AKAP11: variants seen among roughly 807,000 people sequenced by gnomAD.
The protein encoded by AKAP11 is A-kinase anchor protein 11.
AKAP11 carries 36 observed loss-of-function variants against 146.1 expected under a neutral mutation model. The observed-to-expected ratio is 0.25, with a 90% CI of 0.19 to 0.33. AKAP11 has a LOEUF of 0.33. AKAP11 is among the 10% of genes least tolerant of loss of function. The probability of loss-of-function intolerance (pLI) is 1.00; values close to 1 mark genes in which losing one functional copy is unlikely to be tolerated. For synonymous variants in AKAP11, 780 were observed against 786.5 expected, an observed-to-expected ratio of 0.99 and a Z score of 0.14; for missense variants, 2,201 against 2,197.0, an observed-to-expected ratio of 1.00 and a Z score of -0.04.
At chr13:42,297,537 ATGTTACGCTATATGTTTT>A (rs1959590026) in intron 6 of AKAP11, among the ~76,000 whole-genome samples, 2 of 151,922 alleles carry the variant, frequency 1.3e-5, no homozygotes, top group South Asian at 4.1e-4. Flanking sequence ...ATTTATATAA[ATGTTACGCTATATGTTTT>A]AGAGAATGTA....
rs141378199 is a variant in AKAP11 at position 42,300,209 on chromosome 13, A to G, written c.1463A>G (p.Tyr488Cys). 49 of 1,613,898 alleles carry G rather than the reference A, an allele frequency of 3.0e-5. No homozygotes were observed. The highest frequency in any genetic ancestry group is 1.6e-4 in the Middle Eastern group (1 of 6,082). ...HENHDSVYYT[Y>C]EDYAKSISCE... ...AATCATGATTCTGTTTATTACACCT[A>G]TGAAGACTATGCAAAAAGCATTTCA... The change falls in exon 8 of 13, where the codon TAT (tyrosine) becomes TGT (cysteine). Residue 488 changes from tyrosine to cysteine, a missense_variant. This residue lies in a region of AKAP11 where 1,867 missense variants were observed against 1,833.5 expected (regional missense o/e 1.02). Coordinates refer to ENST00000025301, the MANE Select transcript of AKAP11 (RefSeq NM_016248.4).
chr13:42,277,908 A>G (rs1437958706), intron 1 of AKAP11, among the ~76,000 whole-genome samples: 1 of 152,254 alleles, frequency 6.6e-6, no homozygotes, highest in Non-Finnish European at 1.5e-5. Flanking sequence ...GGGCATAGAC[A>G]TGTAGACATT....
rs1472059614 is a variant in AKAP11 at position 42,303,729 on chromosome 13, A to G, written c.4983A>G (p.Lys1661=). 15 of 1,614,028 alleles carry G rather than the reference A, an allele frequency of 9.3e-6. No homozygotes were observed. Among genetic ancestry groups the G allele is most frequent in the Non-Finnish European group, 1.2e-5 (14 of 1,180,018 alleles). ...AGATAGTTGCTGAAGCCATTGAAAA[A>G]GCTGAGCGAGAGCTGAGCAGTACCA... ...AEKIVAEAIE[K]AERELSSTSL... The change falls in exon 8 of 13, where the codon AAA becomes AAG. Residue 1661 remains lysine (K), a synonymous_variant. Transcript: ENST00000025301.
intron 1 of AKAP11, among the ~76,000 whole-genome samples, chr13:42,275,052 T>TA (rs757023206): frequency 1.5e-3 from 232 of 151,428 alleles, no homozygotes; most frequent in Non-Finnish European, 2.7e-3. Flanking sequence ...TTAGCCTACT[T>TA]AAAAAAAAAG....
At chr13:42,316,724 C>A (rs1301400754) in intron 11 of AKAP11, among the ~76,000 whole-genome samples, 1 of 152,184 alleles carries the variant, frequency 6.6e-6, no homozygotes, top group Non-Finnish European at 1.5e-5. Flanking sequence ...TCAGATCTCT[C>A]ACCTGTAGAA....
intron 4 of AKAP11, among the ~76,000 whole-genome samples, chr13:42,294,859 A>G (rs1429194665): frequency 6.6e-6 from 1 of 152,196 alleles, no homozygotes; most frequent in East Asian, 1.9e-4. Context: ...AGTTTGGTGT[A>G]TTGCCTTCCA....
chr13:42,279,269 A>ACG, intron 1 of AKAP11, among the ~76,000 whole-genome samples: 1 of 150,246 alleles, frequency 6.7e-6, no homozygotes, highest in South Asian at 2.1e-4. Context: ...ACACCCACAC[A>ACG]CACACACACA....
rs1166938333 is a variant in AKAP11 at position 42,317,628 on chromosome 13, C to G, written c.5505C>G (p.Ala1835=). 1 of 1,614,164 alleles carries G rather than the reference C, an allele frequency of 6.2e-7. No individual in the cohort carries two copies. The highest frequency in any genetic ancestry group is 8.5e-7 in the Non-Finnish European group (1 of 1,180,020). ...QLRIILQWLI[A]SEAEVAELYF... is the part of the protein sequence containing the mutation. ...GGATTATTCTTCAGTGGCTCATTGC[C>G]TCTGAGGCTGAAGTTGCAGAACTTT... is the stretch of plus-strand genomic sequence containing the variant. Residue 1835 remains alanine (A), a synonymous_variant, in exon 12 of 13, where the codon GCC becomes GCG. Coordinates refer to ENST00000025301, the MANE Select transcript of AKAP11 (RefSeq NM_016248.4).
chr13:42,300,559 T>C lies in AKAP11; in HGVS notation c.1813T>C (p.Phe605Leu), dbSNP rs1959810503. 1.2e-6 allele frequency: 2 copies of C among 1,613,958 alleles called. No individual in the cohort carries two copies. Among genetic ancestry groups the C allele is most frequent in the Admixed American group, 1.7e-5 (1 of 60,000 alleles). The change falls in exon 8 of 13, where the codon TTT becomes CTT. Residue 605 changes from phenylalanine (F) to leucine (L), a missense_variant. Coordinates refer to ENST00000025301, the MANE Select transcript of AKAP11 (RefSeq NM_016248.4). ...AFDELRRQRA[F>L]SLKERAISGL... Reference sequence around the variant, plus strand: ...TGATGAGCTGAGAAGGCAGCGTGCATTTTCACTAAAAGAACGTGCCATTAG... The same window carrying C: ...TGATGAGCTGAGAAGGCAGCGTGCACTTTCACTAAAAGAACGTGCCATTAG...
Position 42,297,104 on chromosome 13 carries a change from C to T in AKAP11, c.273C>T (p.Cys91=). 1 of 1,587,890 alleles carries T rather than the reference C, an allele frequency of 6.3e-7. No individual in the cohort carries two copies. Among genetic ancestry groups the T allele is most frequent in the African/African-American group, 1.4e-5 (1 of 73,388 alleles). ...LPDILNSLHF[C]SLNENEIICM... is the part of the protein sequence containing the mutation. ...ATATTCTGAATTCACTCCACTTCTG[C>T]AGTCTAAATGAAAATGAAATTATTT... The change falls in exon 6 of 13, where the codon TGC becomes TGT. Residue 91 remains cysteine, a synonymous_variant. Transcript: ENST00000025301.
chr13:42,303,174 T>C lies in AKAP11; in HGVS notation c.4428T>C (p.Ser1476=). 1 of 1,614,222 alleles carries C rather than the reference T, an allele frequency of 6.2e-7. No homozygotes were observed. Residue 1476 remains serine, a synonymous_variant, in exon 8 of 13, where the codon TCT becomes TCC. Transcript: ENST00000025301. ...TKDAKEELTA[S]LVGLPKSLTD... ...ATGCTAAGGAAGAGTTGACAGCCTC[T>C]CTAGTTGGCCTACCAAAATCCTTAA...
chr13:42,303,934 T>C, intron 8 of AKAP11, 71 bp downstream of exon 8: 1 of 1,468,850 alleles, frequency 6.8e-7, no homozygotes, highest in Non-Finnish European at 9.1e-7. Flanking sequence ...ATGTCTTAGG[T>C]CCTGTTCATA....
At position 42,320,254 on chromosome 13, in the gene AKAP11, AG is replaced by A. The variant is rs1961026806; in HGVS notation, c.*1027del. On this transcript the variant is annotated 3_prime_UTR_variant, in exon 13 of 13. Coordinates refer to ENST00000025301, the MANE Select transcript of AKAP11 (RefSeq NM_016248.4). ...TGGATTTTTGAAAAAACCTCTACCA[AG>A]AATGTGGTGTTTTTTTTGTTTGTTT... 6.7e-6 allele frequency: 1 copy of A among 149,678 alleles called. No individual in the cohort carries two copies. The highest frequency in any genetic ancestry group is 1.5e-5 in the Non-Finnish European group (1 of 66,852). The allele number at this position is 149,678 out of a possible 1,614,324, so 9.3% of individuals were successfully genotyped here.
intron 12 of AKAP11, 63 bp from the exon 13 acceptor site, chr13:42,319,019 GAAAATA>G: frequency 1.3e-6 from 2 of 1,497,526 alleles, no homozygotes; most frequent in Non-Finnish European, 1.8e-6. Context: ...AGCTAATATT[GAAAATA>G]AAAATAAAAG....
In AKAP11 at chr13:42,319,543, C is replaced by A. The variant is rs1960988790; in HGVS notation, c.*315C>A. 4.7e-6 allele frequency: 1 copy of A among 211,738 alleles called. No individual in the cohort carries two copies. The highest frequency in any genetic ancestry group is 9.3e-6 in the Non-Finnish European group (1 of 107,832). The allele number at this position is 211,738 out of a possible 1,614,324, so 13.1% of individuals were successfully genotyped here. A position where few individuals can be genotyped will look rare whatever the true frequency, so the allele number is the denominator to read the frequency against. ...TTGTCTGACCACATTCTTTTTGTAT[C>A]CAAATAGTGCTGCTAGAAACTGCAC... On this transcript the variant is annotated 3_prime_UTR_variant, in exon 13 of 13. Transcript: ENST00000025301.
Position 42,303,364 on chromosome 13 carries a change from G to T in AKAP11, c.4618G>T (p.Val1540Leu). ...TTGTGGAGACAATGTTGTTCAAGCT[G>T]TAGAACAGTATGCCAAAAAAGTAGT... is the stretch of plus-strand genomic sequence containing the variant. ...YGCGDNVVQA[V>L]EQYAKKVVDD... Residue 1540 changes from valine (V) to leucine (L), a missense_variant, in exon 8 of 13, where the codon GTA becomes TTA. Physicochemically the swap from Val to Leu is conservative, Grantham distance 32 (BLOSUM62 1). Transcript: ENST00000025301. 2 of 1,613,116 alleles carry T rather than the reference G, an allele frequency of 1.2e-6. No individual in the cohort carries two copies. The highest frequency in any genetic ancestry group is 8.5e-7 in the Non-Finnish European group (1 of 1,180,032).
intron 6 of AKAP11, 124 bp from the exon 7 acceptor site, chr13:42,298,409 T>G: frequency 9.9e-7 from 1 of 1,012,516 alleles, no homozygotes; most frequent in Non-Finnish European, 1.4e-6. Context: ...ACCAAGGAGC[T>G]TTTCAGGATG....
intron 1 of AKAP11, among the ~76,000 whole-genome samples, chr13:42,283,145 T>C (rs964686440): frequency 3.9e-5 from 6 of 152,344 alleles, no homozygotes; most frequent in African/African-American, 1.4e-4. Flanking sequence ...TCATATCATC[T>C]CATATTGGAT....
At chr13:42,274,096 G>A (rs905209880) in intron 1 of AKAP11, among the ~76,000 whole-genome samples, 17 of 152,198 alleles carry the variant, frequency 1.1e-4, no homozygotes, top group African/African-American at 4.1e-4. Flanking sequence ...CAAACTTGTA[G>A]GGCGTGTGGT....
Sources: allele counts gnomAD v4.1 joint callset (sites outside exome capture counted in the v4.1 genomes callset), GRCh38; gene constraint gnomAD v4.1.1; regional missense constraint gnomAD v4.1.1; transcripts MANE v1.5; gene names NCBI Gene and HGNC (gene_info 2026-07-23, HGNC 2026-07-21).